The following STON2 variants were observed in gnomAD, a reference collection of about 807,000 sequenced individuals.
STON2 encodes stonin-2.
In STON2, 29 loss-of-function variants were observed where a neutral mutation model predicts 65.7. The ratio of observed to expected loss-of-function variants is 0.44; its 90% CI spans 0.33 to 0.60. The LOEUF is 0.60. Ranked by LOEUF, STON2 falls within the 20% of genes least tolerant of loss-of-function variation. The pLI is 0.03. For missense variants in STON2, 1,054 were observed against 1,118.1 expected (o/e 0.94, Z 0.82); for synonymous variants, 404 against 414.2 (o/e 0.98, Z 0.30).
intron 7 of STON2, chr14:81,269,342 C>T: frequency 2.0e-6 from 2 of 985,422 alleles, no homozygotes; most frequent in South Asian, 4.7e-5. Flanking sequence ...AACCTCCGAA[C>T]TGATAAATAC....
At chr14:81,346,416 A>T (rs75703233) in intron 4 of STON2, among the ~76,000 whole-genome samples, 3,048 of 152,246 alleles carry the variant, frequency 0.02, 122 homozygotes, top group East Asian at 0.16. Flanking sequence ...CTTTGGGACC[A>T]GAGAAAAGGA....
rs893791428 is a variant in STON2, at chr14:81,260,830, A to G, written c.*7584T>C. The G allele has an allele frequency of 2.6e-5, 4 of 152,190 alleles. No homozygotes were observed. The highest frequency in any genetic ancestry group is 5.9e-5 in the Non-Finnish European group (4 of 68,040). The allele number at this position is 152,190 out of a possible 1,614,324, so 9.4% of individuals were successfully genotyped here. ...ACTGGTTTTACATAAAATTAACCACAATAGTGCAAGAGGTTACACTGAATG... is the reference window on the plus strand; with the variant it reads ...ACTGGTTTTACATAAAATTAACCACGATAGTGCAAGAGGTTACACTGAATG... On this transcript the variant is annotated 3_prime_UTR_variant, in exon 8 of 8. Coordinates refer to ENST00000614646, the MANE Select transcript of STON2 (RefSeq NM_001394390.1).
intron 5 of STON2, among the ~76,000 whole-genome samples, chr14:81,301,540 G>T (rs1186019917): frequency 6.6e-6 from 1 of 152,202 alleles, no homozygotes; most frequent in African/African-American, 2.4e-5. Context: ...AATTCTGCCT[G>T]GGATAGTTGA....
At chr14:81,269,618 G>A in intron 7 of STON2, 1 of 985,298 alleles carries the variant, frequency 1.0e-6, no homozygotes. Context: ...AAGATGGAGT[G>A]TTTGTTCCTT....
chr14:81,267,146 T>G lies in STON2; in HGVS notation c.*1268A>C, dbSNP rs1894387597. On this transcript the variant is annotated 3_prime_UTR_variant, in exon 8 of 8. Transcript: ENST00000614646. The stretch of plus-strand genomic sequence containing the variant: ...TTGTATTCTTCATGGGAGAAAACAC[T>G]AAGATACAAATAAGAAGCAGAGGTG... The G allele has an allele frequency of 2.0e-6, 2 of 985,264 alleles. No homozygotes were observed. Among genetic ancestry groups the G allele is most frequent in the African/African-American group, 1.7e-5 (1 of 57,292 alleles). 61.0% of individuals were successfully genotyped at this position (985,264 alleles called of 1,614,324 possible).
chr14:81,310,532 G>A (rs1896382535), intron 5 of STON2, among the ~76,000 whole-genome samples: 1 of 152,202 alleles, frequency 6.6e-6, no homozygotes, highest in Non-Finnish European at 1.5e-5. Context: ...ACGTAAGACT[G>A]AGAAGTCTAA....
At chr14:81,424,791 T>C (rs1181535125) in intron 2 of STON2, among the ~76,000 whole-genome samples, 1 of 152,214 alleles carries the variant, frequency 6.6e-6, no homozygotes, top group Admixed American at 6.5e-5. Flanking sequence ...CCTATTCTCC[T>C]TACTTTCTCA....
chr14:81,289,875 G>C (rs1251036279), intron 5 of STON2, among the ~76,000 whole-genome samples: 1 of 152,170 alleles, frequency 6.6e-6, no homozygotes, highest in African/African-American at 2.4e-5. Flanking sequence ...TTATACAAGG[G>C]CAAGGGCTTG....
chr14:81,413,260 A>G (rs1901258485), intron 2 of STON2: 1 of 1,503,980 alleles, frequency 6.6e-7, no homozygotes, highest in Non-Finnish European at 8.8e-7. Flanking sequence ...TGTGCCACCC[A>G]CCAGTGGTCC....
intron 5 of STON2, among the ~76,000 whole-genome samples, chr14:81,322,922 G>A (rs369427369): frequency 1.3e-5 from 2 of 152,236 alleles, no homozygotes; most frequent in African/African-American, 2.4e-5. Context: ...CATATTCAGA[G>A]TCATCTGGCA....
Position 81,411,875 on chromosome 14 carries a change from A to AG in STON2, c.-198-13296_-198-13295insC, listed in dbSNP as rs1555407746. Among the ~76,000 whole-genome samples the AG allele has an allele frequency of 2.7e-4, 38 of 142,190 alleles. 1 individual carries two copies. The highest frequency in any genetic ancestry group is 5.1e-4 in the African/African-American group (18 of 35,236). The allele number at this position is 142,190 out of a possible 152,430, so 93.3% of individuals were successfully genotyped here. ...AAGCAGAGTTAAGACAAGGAATAACAAGGAATCTTATACATAGAGTGACAG... is the reference window on the plus strand; with the variant it reads ...AAGCAGAGTTAAGACAAGGAATAACAGAGGAATCTTATACATAGAGTGACAG... On this transcript the variant is annotated intron_variant, in intron 2 of 8. Coordinates refer to the STON2 transcript ENST00000553821.
intron 5 of STON2, among the ~76,000 whole-genome samples, chr14:81,302,271 C>T (rs566356770): frequency 2.0e-5 from 3 of 152,290 alleles, no homozygotes; most frequent in South Asian, 2.1e-4. Flanking sequence ...GGAACAGAGG[C>T]TAACAATAAG....
chr14:81,431,597 GGCAA>G (rs1902226722), intron 1 of STON2, among the ~76,000 whole-genome samples: 1 of 152,108 alleles, frequency 6.6e-6, no homozygotes, highest in African/African-American at 2.4e-5. Flanking sequence ...TGACCAACAT[GGCAA>G]AACTCTGTCT....
At chr14:81,350,759 TC>T (rs746022336) in intron 4 of STON2, among the ~76,000 whole-genome samples, 4 of 152,198 alleles carry the variant, frequency 2.6e-5, no homozygotes, top group Non-Finnish European at 5.9e-5. Flanking sequence ...AAGACTTATT[TC>T]CAGAGGCTTT....
intron 5 of STON2, among the ~76,000 whole-genome samples, chr14:81,285,229 GC>G (rs1404133071): frequency 2.0e-5 from 3 of 152,152 alleles, no homozygotes; most frequent in Non-Finnish European, 4.4e-5. Flanking sequence ...ATGGATTGGG[GC>G]AAAGTAAACT....
rs897359260 is a variant in STON2 at position 81,371,311 on chromosome 14, A to T, written c.374-126T>A. On this transcript the variant is annotated intron_variant, in intron 3 of 7. Coordinates refer to ENST00000614646, the MANE Select transcript of STON2 (RefSeq NM_001394390.1). ...TCTCAACAGTCATATGAGGCAAGGA[A>T]GTCTTGTATGGAGAGTATCACTCAT... 13 of 847,110 alleles carry T rather than the reference A, an allele frequency of 1.5e-5. No individual in the cohort carries two copies. The Admixed American group carries it at 3.1e-4, about 20-fold the overall frequency. The allele number at this position is 847,110 out of a possible 1,614,324, so 52.5% of individuals were successfully genotyped here. A position where few individuals can be genotyped will look rare whatever the true frequency, so the allele number is the denominator to read the frequency against.
chr14:81,395,617 A>AT (rs1900276659), intron 3 of STON2: 1 of 375,164 alleles, frequency 2.7e-6, no homozygotes, highest in South Asian at 4.1e-5. Context: ...CTAATAGAAA[A>AT]ATATATATGC....
At chr14:81,364,432 T>TC (rs1433148353) in intron 4 of STON2, among the ~76,000 whole-genome samples, 1 of 152,142 alleles carries the variant, frequency 6.6e-6, no homozygotes, top group Non-Finnish European at 1.5e-5. Context: ...TCAAAATATT[T>TC]CTTTCTGGTT....
At chr14:81,431,783 A>C (rs1243966413) in intron 1 of STON2, among the ~76,000 whole-genome samples, 1 of 151,898 alleles carries the variant, frequency 6.6e-6, no homozygotes, top group African/African-American at 2.4e-5. Context: ...GTCTCAAAAA[A>C]AAAAAAAAAA....
Sources: gnomAD v4.1 joint callset for allele counts (sites outside exome capture counted in the v4.1 genomes callset) on GRCh38, gnomAD v4.1.1 for gene constraint, MANE v1.5 for transcripts, NCBI Gene and HGNC (gene_info 2026-07-23, HGNC 2026-07-21) for gene names.